The following ZNF224 variants were observed in gnomAD, a reference collection of about 807,000 sequenced individuals.
ZNF224 encodes bone marrow zinc finger 2.
Under a neutral mutation model 10.5 loss-of-function variants are expected in ZNF224, and 8 were observed. The ratio of observed to expected loss-of-function variants is 0.76; its 90% confidence interval spans 0.45 to 1.37. The LOEUF is 1.37. ZNF224 is among the 40% of genes most tolerant of loss of function. The probability of loss-of-function intolerance (pLI) is 0.00; values close to 1 mark genes in which losing one functional copy is unlikely to be tolerated. For missense variants in ZNF224, 754 were observed against 854.0 expected (o/e 0.88, Z 1.46); for synonymous variants, 282 against 287.8 (o/e 0.98, Z 0.20).
At chr19:44,096,791 T>C (rs768773207) in intron 2 of ZNF224, among the ~76,000 whole-genome samples, 16 of 152,218 alleles carry the variant, frequency 1.1e-4, no homozygotes, top group Non-Finnish European at 1.5e-4. Context: ...CTTTCTATGC[T>C]TGATATTTTT....
At chr19:44,097,069 G>A in intron 2 of ZNF224, 1 of 239,388 alleles carries the variant, frequency 4.2e-6, no homozygotes, top group Non-Finnish European at 8.5e-6. Flanking sequence ...CTGTCTTTCA[G>A]ATTTCTCCAC....
intron 5 of ZNF224, among the ~76,000 whole-genome samples, chr19:44,104,723 G>A (rs1243768921): frequency 1.3e-5 from 2 of 151,606 alleles, no homozygotes; most frequent in Non-Finnish European, 2.9e-5. Context: ...GTGCAGTGGC[G>A]CAATCTCAGC....
At chr19:44,106,260 T>C in intron 5 of ZNF224, 136 bp from the exon 6 acceptor site, 1 of 912,512 alleles carries the variant, frequency 1.1e-6, no homozygotes, top group Non-Finnish European at 1.6e-6. Flanking sequence ...AAACCAAAGA[T>C]TATGGTGCAC....
rs763968126 is a variant in ZNF224 at position 44,107,260 on chromosome 19, C to A, written c.1100C>A (p.Thr367Lys). The A allele has an allele frequency of 6.6e-5, 105 of 1,588,702 alleles. No homozygotes were observed. Among genetic ancestry groups the A allele is most frequent in the Non-Finnish European group, 8.6e-5 (100 of 1,167,878 alleles). The change falls in exon 6 of 6, where the codon ACG becomes AAG. Residue 367 changes from threonine (T) to lysine (K), a missense_variant. Coordinates refer to ENST00000693561, the MANE Select transcript of ZNF224 (RefSeq NM_001321645.3). The part of the protein sequence containing the change: ...RDLYTHHMVH[T>K]GEKPYNCKEC... Reference sequence around the variant, plus strand: ...CTTTATACGCATCATATGGTCCACACGGGAGAAAAGCCATATAATTGTAAA... The same window carrying A: ...CTTTATACGCATCATATGGTCCACAAGGGAGAAAAGCCATATAATTGTAAA...
In ZNF224 at chr19:44,106,586, C is replaced by T. The variant is rs746427313; in HGVS notation, c.426C>T (p.His142=). 1.9e-6 allele frequency: 3 copies of T among 1,611,650 alleles called. No homozygotes were observed. The stretch of plus-strand genomic sequence containing the variant: ...CTGAGGCAGGACTATCTGTAATTCA[C>T]ACAAGACAGAAATCTTCCCAGGGCA... The part of the protein sequence containing the change: ...CQTEAGLSVI[H]TRQKSSQGNG... The change falls in exon 6 of 6, where the codon CAC becomes CAT. Residue 142 remains histidine, a synonymous_variant. Coordinates refer to ENST00000693561, the MANE Select transcript of ZNF224 (RefSeq NM_001321645.3).
At chr19:44,098,391 A>G (rs1008881568) in intron 3 of ZNF224, among the ~76,000 whole-genome samples, 8 of 152,142 alleles carry the variant, frequency 5.3e-5, no homozygotes, top group Admixed American at 5.2e-4. Context: ...TGTTTTGTAG[A>G]TAGAGTATCC....
Position 44,107,968 on chromosome 19 carries a change from A to G in ZNF224, c.1808A>G (p.Lys603Arg), listed in dbSNP as rs780775018. ...CCATACAAATGTGATGAGTGTGGGA[A>G]GGGCTTCAGCTGGTCCTCAACTCGT... ...EKPYKCDECG[K>R]GFSWSSTRLT... The change falls in exon 6 of 6, where the codon AAG (lysine) becomes AGG (arginine). Residue 603 changes from lysine (K) to arginine (R), a missense_variant. Coordinates refer to ENST00000693561, the MANE Select transcript of ZNF224 (RefSeq NM_001321645.3). The G allele has an allele frequency of 5.6e-6, 9 of 1,614,260 alleles. No homozygotes were observed. Among genetic ancestry groups the G allele is most frequent in the Non-Finnish European group, 5.9e-6 (7 of 1,180,044 alleles).
chr19:44,107,943 C>G lies in ZNF224; in HGVS notation c.1783C>G (p.Pro595Ala), dbSNP rs764237189. ...TCAAAGAGTGCACACTGGAGAAAAG[C>G]CATACAAATGTGATGAGTGTGGGAA... ...SHQRVHTGEK[P>A]YKCDECGKGF... The change falls in exon 6 of 6, where the codon CCA becomes GCA. Residue 595 changes from proline to alanine, a missense_variant. Physicochemically the swap from Pro to Ala is conservative, Grantham distance 27 (BLOSUM62 -1). Coordinates refer to ENST00000693561, the MANE Select transcript of ZNF224 (RefSeq NM_001321645.3). The G allele has an allele frequency of 6.2e-7, 1 of 1,614,236 alleles. No homozygotes were observed. Among genetic ancestry groups the G allele is most frequent in the South Asian group, 1.1e-5 (1 of 91,086 alleles).
chr19:44,098,780 T>C (rs1967492575), intron 3 of ZNF224, among the ~76,000 whole-genome samples: 1 of 152,146 alleles, frequency 6.6e-6, no homozygotes, highest in Non-Finnish European at 1.5e-5. Flanking sequence ...GGTTTCTCCA[T>C]GTTGGTCAGG....
chr19:44,106,380 T>G lies in ZNF224; in HGVS notation c.236-16T>G. 1.2e-6 allele frequency: 2 copies of G among 1,613,670 alleles called. No homozygotes were observed. Among genetic ancestry groups the G allele is most frequent in the Non-Finnish European group, 1.7e-6 (2 of 1,179,650 alleles). ...GGCTTCACTTGTCCTCATCTTTTAA[T>G]TCTGTATTCTGATAGGAGACAAGAT... On this transcript the variant is annotated splice_polypyrimidine_tract_variant and intron_variant, in intron 5 of 5. Transcript: ENST00000693561.
At chr19:44,102,195 C>T (rs1967562117) in intron 5 of ZNF224, among the ~76,000 whole-genome samples, 1 of 152,196 alleles carries the variant, frequency 6.6e-6, no homozygotes, top group Non-Finnish European at 1.5e-5. Context: ...ACCTCAAAAC[C>T]TTCTGGCATC....
chr19:44,107,764 C>T lies in ZNF224; in HGVS notation c.1604C>T (p.Thr535Ile), dbSNP rs200946343. The stretch of plus-strand genomic sequence containing the variant: ...CTTGATATGCACCAGAAGGTCCACA[C>T]AGGAGAGAGACCATACAATTGTAAG... ...FNLDMHQKVH[T>I]GERPYNCKEC... Residue 535 changes from threonine to isoleucine, a missense_variant, in exon 6 of 6, where the codon ACA (threonine) becomes ATA (isoleucine). By Grantham distance (89) the Thr-to-Ile change is moderately conservative (BLOSUM62 -1). Transcript: ENST00000693561. 6.2e-6 allele frequency: 10 copies of T among 1,613,084 alleles called. No individual in the cohort carries two copies. The highest frequency in any genetic ancestry group is 8.5e-6 in the Non-Finnish European group (10 of 1,179,886).
In ZNF224 at chr19:44,107,745, A is replaced by G; in HGVS notation, c.1585A>G (p.Met529Val). 8 of 1,613,758 alleles carry G rather than the reference A, an allele frequency of 5.0e-6. No homozygotes were observed. The highest frequency in any genetic ancestry group is 1.1e-5 in the South Asian group (1 of 91,056). The stretch of plus-strand genomic sequence containing the variant: ...CTACAATAGTAAGTTTAATCTTGAT[A>G]TGCACCAGAAGGTCCACACAGGAGA... ...KGYNSKFNLD[M>V]HQKVHTGERP... Residue 529 changes from methionine (M) to valine (V), a missense_variant, in exon 6 of 6, where the codon ATG (methionine) becomes GTG (valine). By Grantham distance (21) the Met-to-Val change is conservative. Coordinates refer to ENST00000693561, the MANE Select transcript of ZNF224 (RefSeq NM_001321645.3).
At chr19:44,097,586 T>A (rs916693441) in intron 2 of ZNF224, 1 of 383,852 alleles carries the variant, frequency 2.6e-6, no homozygotes, top group Admixed American at 4.6e-5. Flanking sequence ...AGTACTTCAT[T>A]TCTTTAAATT....
At position 44,108,027 on chromosome 19, in the gene ZNF224, C is replaced by T. The variant is rs1239011960; in HGVS notation, c.1867C>T (p.Pro623Ser). 20 of 1,614,168 alleles carry T rather than the reference C, an allele frequency of 1.2e-5. No homozygotes were observed. Among genetic ancestry groups the T allele is most frequent in the Non-Finnish European group, 1.7e-5 (20 of 1,180,024 alleles). ...TCAGAGACGCCACAGCAGAGAAACA[C>T]CTCTCAAATGTGAGCAGCATGGGAA... ...THQRRHSRET[P>S]LKCEQHGKNI... The change falls in exon 6 of 6, where the codon CCT (proline) becomes TCT (serine). Residue 623 changes from proline (P) to serine (S), a missense_variant. Physicochemically the swap from Pro to Ser is moderately conservative, Grantham distance 74 (BLOSUM62 -1). Coordinates refer to ENST00000693561, the MANE Select transcript of ZNF224 (RefSeq NM_001321645.3).
intron 1 of ZNF224, 50 bp from the exon 2 acceptor site, chr19:44,096,293 G>A (rs1177349697): frequency 6.6e-6 from 1 of 152,004 alleles, no homozygotes; most frequent in Non-Finnish European, 1.5e-5. Flanking sequence ...CTTTACCCAC[G>A]TTTGCCAAGT....
intron 5 of ZNF224, among the ~76,000 whole-genome samples, chr19:44,102,762 C>A (rs1967575283): frequency 6.6e-6 from 1 of 152,198 alleles, no homozygotes; most frequent in African/African-American, 2.4e-5. Context: ...GGAAAGAAAT[C>A]ATTTTTGAAT....
At chr19:44,101,279 C>G (rs771149066) in intron 5 of ZNF224, 54 bp downstream of exon 5, 26 of 1,556,876 alleles carry the variant, frequency 1.7e-5, no homozygotes, top group Non-Finnish European at 2.3e-5. Flanking sequence ...TGTTTCACTT[C>G]TGTCCATGCT....
intron 5 of ZNF224, among the ~76,000 whole-genome samples, chr19:44,103,871 A>G (rs1967595379): frequency 6.6e-6 from 1 of 152,008 alleles, no homozygotes; most frequent in Non-Finnish European, 1.5e-5. Context: ...TTGTATTTTT[A>G]GTAGAGACAG....
Sources: gnomAD v4.1 joint callset for allele counts (sites outside exome capture counted in the v4.1 genomes callset) on GRCh38, gnomAD v4.1.1 for gene constraint, MANE v1.5 for transcripts, NCBI Gene and HGNC (gene_info 2026-07-23, HGNC 2026-07-21) for gene names.